The following CTSO variants were observed in gnomAD, a reference collection of about 807,000 sequenced individuals.
CTSO encodes the protein cathepsin O.
CTSO carries 40 observed loss-of-function variants against 42.4 expected under a neutral mutation model. The observed-to-expected ratio is 0.94, with a 90% CI of 0.73 to 1.23. The LOEUF (loss-of-function observed/expected upper bound fraction) is 1.23, where lower values mean the gene tolerates loss of function less well. Among genes scored for constraint, CTSO ranks in the 50% most tolerant of loss-of-function variants. The probability of loss-of-function intolerance (pLI) is 0.00; values close to 1 mark genes in which losing one functional copy is unlikely to be tolerated. For missense variants in CTSO, 441 were observed against 396.0 expected (o/e 1.11, Z -0.96); for synonymous variants, 156 against 146.2 (o/e 1.07, Z -0.48).
At chr4:155,931,725 C>G (rs947924850) in intron 5 of CTSO, among the ~76,000 whole-genome samples, 4 of 151,666 alleles carry the variant, frequency 2.6e-5, no homozygotes, top group African/African-American at 9.7e-5. Context: ...CATGAGCTTA[C>G]TATTCATTTC....
At chr4:155,930,880 A>C (rs552623542) in intron 5 of CTSO, among the ~76,000 whole-genome samples, 1 of 152,274 alleles carries the variant, frequency 6.6e-6, no homozygotes, top group Non-Finnish European at 1.5e-5. Context: ...TTGCTACTGT[A>C]AAACAGTTCA....
At position 155,927,480 on chromosome 4, in the gene CTSO, G is replaced by A. The variant is rs529409215; in HGVS notation, c.931+856C>T. 9.9e-5 allele frequency among the ~76,000 whole-genome samples: 15 copies of A among 152,270 alleles called. No individual in the cohort carries two copies. The East Asian group carries it at 2.3e-3, about 24-fold the overall frequency. On this transcript the variant is annotated intron_variant, in intron 7 of 7. Transcript: ENST00000433477. The stretch of plus-strand genomic sequence containing the variant: ...TGGTTGGTGGTTCATTTAAAAAGTT[G>A]TGTTTCAGGCTGGGCGTGGTGGCTC...
intron 5 of CTSO, among the ~76,000 whole-genome samples, chr4:155,934,869 T>C (rs1485911098): frequency 6.6e-6 from 1 of 152,324 alleles, no homozygotes; most frequent in African/African-American, 2.4e-5. Flanking sequence ...GACTTTGGAC[T>C]GTGGACTTTC....
intron 2 of CTSO, among the ~76,000 whole-genome samples, chr4:155,942,757 A>G (rs967342458): frequency 6.6e-5 from 10 of 152,060 alleles, no homozygotes; most frequent in Non-Finnish European, 1.0e-4. Context: ...TCCTACAATA[A>G]GGCTGGAGTT....
chr4:155,927,865 A>T (rs1743158580), intron 7 of CTSO, among the ~76,000 whole-genome samples: 1 of 152,148 alleles, frequency 6.6e-6, no homozygotes, highest in Non-Finnish European at 1.5e-5. Flanking sequence ...AGAATTTTGT[A>T]GGTGGCAAGG....
chr4:155,942,584 T>C (rs1262543598), intron 2 of CTSO, 128 bp from the exon 3 acceptor site: 1 of 323,558 alleles, frequency 3.1e-6, no homozygotes, highest in Non-Finnish European at 4.9e-6. Flanking sequence ...ACCAATATTA[T>C]ACTAAAAGAC....
chr4:155,931,929 T>A (rs1257505580), intron 5 of CTSO, among the ~76,000 whole-genome samples: 1 of 151,998 alleles, frequency 6.6e-6, no homozygotes, highest in Non-Finnish European at 1.5e-5. Flanking sequence ...GATGCGGCGA[T>A]GAAGGCAAGT....
Position 155,943,263 on chromosome 4 carries a change from T to A in CTSO, c.137A>T (p.Glu46Val). ...CAAGTATCGATGTCTATTAAGACTTTCCTAGAAGAAAAACAAAAACTATTT... is the reference window on the plus strand; with the variant it reads ...CAAGTATCGATGTCTATTAAGACTTACCTAGAAGAAAAACAAAAACTATTT... Reference protein sequence around the residue: ...SREREAAAFRESLNRHRYLNS... With the variant: ...SREREAAAFRVSLNRHRYLNS... The change falls in exon 2 of 8, where the codon GAA (glutamate) becomes GTA (valine). Residue 46 changes from glutamate (E) to valine (V), a missense_variant and splice_region_variant. Glu to Val is a moderately radical substitution (Grantham distance 121). Coordinates refer to ENST00000433477, the MANE Select transcript of CTSO (RefSeq NM_001334.3). 6.3e-7 allele frequency: 1 copy of A among 1,587,036 alleles called. No homozygotes were observed. The highest frequency in any genetic ancestry group is 2.2e-5 in the East Asian group (1 of 44,612).
intron 2 of CTSO, among the ~76,000 whole-genome samples, chr4:155,942,804 A>G (rs1402016596): frequency 6.6e-6 from 1 of 152,126 alleles, no homozygotes; most frequent in Non-Finnish European, 1.5e-5. Context: ...AACCAGGTCA[A>G]TAATAAAAAT....
At chr4:155,951,836 A>C (rs761505532) in intron 1 of CTSO, among the ~76,000 whole-genome samples, 1 of 152,150 alleles carries the variant, frequency 6.6e-6, no homozygotes. Context: ...CCAGCTAACT[A>C]ATCTAACTAA....
intron 7 of CTSO, among the ~76,000 whole-genome samples, chr4:155,927,784 AAAG>A (rs1052056346): frequency 6.6e-6 from 1 of 152,088 alleles, no homozygotes; most frequent in African/African-American, 2.4e-5. Context: ...CAAAAAAAAA[AAAG>A]TTGTCACTCA....
intron 1 of CTSO, among the ~76,000 whole-genome samples, chr4:155,950,152 C>T (rs1269641632): frequency 6.6e-6 from 1 of 152,122 alleles, no homozygotes; most frequent in African/African-American, 2.4e-5. Flanking sequence ...TTTGTGTGAG[C>T]ATGTACACAA....
rs1743390035 is a variant in CTSO at position 155,939,446 on chromosome 4, C to G, written c.477G>C (p.Gln159His). The change falls in exon 4 of 8, where the codon CAG becomes CAC. Residue 159 changes from glutamine (Q) to histidine (H), a missense_variant. Coordinates refer to ENST00000433477, the MANE Select transcript of CTSO (RefSeq NM_001334.3). The part of the protein sequence containing the change: ...GKPLEDLSVQ[Q>H]VIDCSYNNYG... ...AATTATTATACGAACAGTCAATGAC[C>G]TGCTGGACACTTAGGTCTTCCAGGG... is the stretch of plus-strand genomic sequence containing the variant. 3 of 1,614,172 alleles carry G rather than the reference C, an allele frequency of 1.9e-6. No individual in the cohort carries two copies. The highest frequency in any genetic ancestry group is 1.7e-6 in the Non-Finnish European group (2 of 1,180,024).
At chr4:155,927,764 G>A (rs1327473906) in intron 7 of CTSO, among the ~76,000 whole-genome samples, 2 of 151,594 alleles carry the variant, frequency 1.3e-5, no homozygotes, top group South Asian at 2.1e-4. Flanking sequence ...GACAGAGCGA[G>A]ACTCTATCTC....
chr4:155,930,060 C>A (rs1056326216), intron 5 of CTSO, among the ~76,000 whole-genome samples: 2 of 152,178 alleles, frequency 1.3e-5, no homozygotes, highest in African/African-American at 4.8e-5. Context: ...CAGAAATAAC[C>A]CGCAACACTT....
intron 5 of CTSO, among the ~76,000 whole-genome samples, chr4:155,932,389 G>A (rs1458672478): frequency 1.3e-5 from 2 of 152,042 alleles, no homozygotes; most frequent in Non-Finnish European, 2.9e-5. Flanking sequence ...TGAGTCTCAG[G>A]CATCCACCAT....
At chr4:155,945,666 C>T (rs1033051644) in intron 1 of CTSO, among the ~76,000 whole-genome samples, 1 of 152,062 alleles carries the variant, frequency 6.6e-6, no homozygotes, top group Admixed American at 6.6e-5. Flanking sequence ...CCAGTGTTAC[C>T]CTGATTCTAA....
At chr4:155,937,664 G>T (rs984776006) in intron 4 of CTSO, among the ~76,000 whole-genome samples, 181 bp from the exon 5 acceptor site, 1 of 151,878 alleles carries the variant, frequency 6.6e-6, no homozygotes, top group African/African-American at 2.4e-5. Context: ...GCTCAGGCTG[G>T]AGTGCAGTGG....
At position 155,925,643 on chromosome 4, in the gene CTSO, A is replaced by G. The variant is rs1261232603; in HGVS notation, c.*393T>C. Reference sequence around the variant, plus strand: ...TCTAAAGCTAGTAGTTACACCCCACAAAAGAAAATAAATTCTTATGACCTC... The same window carrying G: ...TCTAAAGCTAGTAGTTACACCCCACGAAAGAAAATAAATTCTTATGACCTC... On this transcript the variant is annotated 3_prime_UTR_variant, in exon 8 of 8. Coordinates refer to ENST00000433477, the MANE Select transcript of CTSO (RefSeq NM_001334.3). 5.2e-6 allele frequency: 1 copy of G among 192,828 alleles called. No individual in the cohort carries two copies. The highest frequency in any genetic ancestry group is 1.0e-5 in the Non-Finnish European group (1 of 96,168). 11.9% of individuals were successfully genotyped at this position (192,828 alleles called of 1,614,324 possible). A position where few individuals can be genotyped will look rare whatever the true frequency, so the allele number is the denominator to read the frequency against.
Sources: gnomAD v4.1 joint callset for allele counts (sites outside exome capture counted in the v4.1 genomes callset) on GRCh38, gnomAD v4.1.1 for gene constraint, MANE v1.5 for transcripts, NCBI Gene and HGNC (gene_info 2026-07-23, HGNC 2026-07-21) for gene names.